AP4M1: variants seen among roughly 807,000 people sequenced by gnomAD.
AP4M1 encodes the protein AP-4 complex subunit mu-1.
Under a neutral mutation model 62.4 loss-of-function variants are expected in AP4M1, and 58 were observed. The ratio of observed to expected loss-of-function variants is 0.93; its 90% CI spans 0.75 to 1.16. The LOEUF (loss-of-function observed/expected upper bound fraction) is 1.16. Ranked by LOEUF, AP4M1 falls within the 50% of genes most tolerant of loss-of-function variation. The pLI is 0.00. For missense variants in AP4M1, 626 were observed against 585.4 expected (o/e 1.07, Z -0.72); for synonymous variants, 290 against 239.7 (o/e 1.21, Z -1.94).
At chr7:100,102,808 G>C in intron 3 of AP4M1, 27 bp downstream of exon 3, 2 of 1,613,272 alleles carry the variant, frequency 1.2e-6, no homozygotes, top group Non-Finnish European at 1.7e-6. Context: ...TGGGCACCTG[G>C]TAGCTAGGAG....
rs771993335 is a variant in AP4M1 at position 100,101,664 on chromosome 7, G to T, written c.-51G>T. Reference sequence around the variant, plus strand: ...CGTTCTTTTGTTCCGGGGCCGCAGGGCGGGGCAGGCCCGACTTTCGCCGTC... The same window carrying T: ...CGTTCTTTTGTTCCGGGGCCGCAGGTCGGGGCAGGCCCGACTTTCGCCGTC... On this transcript the variant is annotated 5_prime_UTR_variant, in exon 1 of 15. Coordinates refer to ENST00000359593, the MANE Select transcript of AP4M1 (RefSeq NM_004722.4). 6.5e-7 allele frequency: 1 copy of T among 1,547,728 alleles called. No individual in the cohort carries two copies. The highest frequency in any genetic ancestry group is 8.9e-7 in the Non-Finnish European group (1 of 1,120,736).
At chr7:100,102,118 C>T (rs1796093858) in intron 2 of AP4M1, 150 bp downstream of exon 2, 2 of 854,708 alleles carry the variant, frequency 2.3e-6, no homozygotes, top group Admixed American at 4.3e-5. Flanking sequence ...CGGTGGCTCA[C>T]GCCTGTAATC....
chr7:100,103,887 C>CAAAAAAAA (rs10671291), intron 6 of AP4M1, among the ~76,000 whole-genome samples, 195 bp downstream of exon 6: 279 of 91,610 alleles, frequency 3.0e-3, no homozygotes, highest in East Asian at 8.0e-3. Context: ...ACTAAAAATG[C>CAAAAAAAA]AAAAAAAAAA....
chr7:100,101,518 C>T (rs1584503059), upstream of AP4M1: 3 of 785,990 alleles, frequency 3.8e-6, no homozygotes, highest in East Asian at 8.0e-5. Flanking sequence ...GAATGAGTGA[C>T]GGGGAGGCGG....
intron 11 of AP4M1, 50 bp downstream of exon 11, chr7:100,105,589 C>G (rs1193475025): frequency 1.3e-6 from 2 of 1,527,536 alleles, no homozygotes; most frequent in African/African-American, 1.4e-5. Context: ...CAAGCCAAGA[C>G]CTGTATGTTC....
rs749724244 is a variant in AP4M1 at position 100,103,495 on chromosome 7, C to G, written c.438C>G (p.Leu146=). 1.9e-6 allele frequency: 3 copies of G among 1,614,088 alleles called. No homozygotes were observed. In the African/African-American group the frequency reaches 4.0e-5, roughly 22 times the overall value. The part of the protein sequence containing the change: ...TEAVVSKPFS[L]FDLSSVGLFG... ...CTGTGGTCAGCAAGCCCTTCAGCCT[C>G]TTTGACCTCAGCAGCGTTGGCTTGG... Residue 146 remains leucine (L), a synonymous_variant, in exon 5 of 15, where the codon CTC becomes CTG. Transcript: ENST00000359593.
Position 100,106,996 on chromosome 7 carries a change from T to G in AP4M1, c.*114T>G. The G allele has an allele frequency of 7.5e-7, 1 of 1,336,262 alleles. No individual in the cohort carries two copies. Among genetic ancestry groups the G allele is most frequent in the Non-Finnish European group, 1.0e-6 (1 of 965,850 alleles). The allele number at this position is 1,336,262 out of a possible 1,614,324, so 82.8% of individuals were successfully genotyped here. A position where few individuals can be genotyped will look rare whatever the true frequency, so the allele number is the denominator to read the frequency against. On this transcript the variant is annotated 3_prime_UTR_variant, in exon 15 of 15. Coordinates refer to ENST00000359593, the MANE Select transcript of AP4M1 (RefSeq NM_004722.4). The stretch of plus-strand genomic sequence containing the variant: ...CTCTGAATCTGGGCAGGAAGAGTCC[T>G]CAGTCCCAAGACCAGGAGGGGGCAA...
Position 100,102,006 on chromosome 7 carries a change from C to A in AP4M1, c.147+38C>A, listed in dbSNP as rs769436643. The A allele has an allele frequency of 3.7e-5, 59 of 1,609,256 alleles. No homozygotes were observed. In the South Asian group the frequency reaches 6.4e-4, roughly 17 times the overall value. On this transcript the variant is annotated intron_variant, in intron 2 of 14. Transcript: ENST00000359593. ...GGGAGGCGGGTGAGGAGCGGGGTCC[C>A]GTCGGGCCGGGTGGGCGCCAGCTCC...
intron 4 of AP4M1, 99 bp from the exon 5 acceptor site, chr7:100,103,310 C>T (rs1216802609): frequency 1.1e-5 from 12 of 1,055,056 alleles, no homozygotes; most frequent in South Asian, 6.5e-5. Flanking sequence ...CCTTCCAAAG[C>T]GCTGAGAGTA....
At position 100,108,210 on chromosome 7, in the gene AP4M1, C is replaced by A; in HGVS notation, c.*1328C>A. ...AGAGGCCTGGGCTCCCCTCGCTCTT[C>A]CTCAGTGGCTCTCACTAGGGCTGGG... is the stretch of plus-strand genomic sequence containing the variant. On this transcript the variant is annotated 3_prime_UTR_variant, in exon 15 of 15. Coordinates refer to ENST00000359593, the MANE Select transcript of AP4M1 (RefSeq NM_004722.4). 1.4e-6 allele frequency: 2 copies of A among 1,474,902 alleles called. No homozygotes were observed. Among genetic ancestry groups the A allele is most frequent in the Non-Finnish European group, 1.8e-6 (2 of 1,106,762 alleles). 91.4% of individuals were successfully genotyped at this position (1,474,902 alleles called of 1,614,324 possible).
At chr7:100,102,541 T>G in intron 2 of AP4M1, 134 bp from the exon 3 acceptor site, 1 of 756,362 alleles carries the variant, frequency 1.3e-6, no homozygotes. Flanking sequence ...GGCCCAGGCA[T>G]ATGTCATGTA....
In AP4M1 at chr7:100,108,496, G is replaced by T. The variant is rs775428705; in HGVS notation, c.*1614G>T. ...ATTCTGCCCGATAGGCGTCCTGATT[G>T]TCAGGCGGTGGGCGCAGCTTTGCCA... On this transcript the variant is annotated 3_prime_UTR_variant, in exon 15 of 15. Coordinates refer to ENST00000359593, the MANE Select transcript of AP4M1 (RefSeq NM_004722.4). 1 of 1,613,706 alleles carries T rather than the reference G, an allele frequency of 6.2e-7. No homozygotes were observed. Among genetic ancestry groups the T allele is most frequent in the Admixed American group, 1.7e-5 (1 of 60,004 alleles).
At chr7:100,105,176 C>T (rs937805871) in intron 9 of AP4M1, 64 bp from the exon 10 acceptor site, 54 of 1,610,684 alleles carry the variant, frequency 3.4e-5, no homozygotes, top group Non-Finnish European at 3.9e-5. Flanking sequence ...ACAGAGCCTC[C>T]CCTCTCCTTG....
In AP4M1 at chr7:100,106,902, C is replaced by A. The variant is rs777159687; in HGVS notation, c.*20C>A. The A allele has an allele frequency of 2.1e-5, 33 of 1,606,680 alleles. No homozygotes were observed. In the East Asian group the frequency reaches 6.9e-4, roughly 34 times the overall value. On this transcript the variant is annotated 3_prime_UTR_variant, in exon 15 of 15. Transcript: ENST00000359593. ...ATCTGAGGCTCCCCAAACGAGGACA[C>A]GACGGCCAAGGTGGCAGTTTGTCCC...
chr7:100,108,894 C>T lies in AP4M1; in HGVS notation c.*2012C>T, dbSNP rs868626826. On this transcript the variant is annotated 3_prime_UTR_variant, in exon 15 of 15. Transcript: ENST00000359593. ...CAAAAACTAGCCAGGCATGGTGGCA[C>T]GCACCTGTAGTCCCAGCTACTGGGG... 7 of 184,816 alleles carry T rather than the reference C, an allele frequency of 3.8e-5. 1 individual carries two copies. Among genetic ancestry groups the T allele is most frequent in the South Asian group, 3.6e-4 (3 of 8,416 alleles). The allele number at this position is 184,816 out of a possible 1,614,324, so 11.4% of individuals were successfully genotyped here.
At chr7:100,103,042 G>T in intron 4 of AP4M1, 82 bp downstream of exon 4, 1 of 1,076,630 alleles carries the variant, frequency 9.3e-7, no homozygotes, top group African/African-American at 1.6e-5. Context: ...GGATGCCGTG[G>T]TTAGGAGGCC....
In AP4M1 at chr7:100,108,201, C is replaced by T; in HGVS notation, c.*1319C>T. 6.8e-7 allele frequency: 1 copy of T among 1,478,400 alleles called. No homozygotes were observed. Among genetic ancestry groups the T allele is most frequent in the East Asian group, 2.4e-5 (1 of 41,318 alleles). 91.6% of individuals were successfully genotyped at this position (1,478,400 alleles called of 1,614,324 possible). On this transcript the variant is annotated 3_prime_UTR_variant, in exon 15 of 15. Coordinates refer to ENST00000359593, the MANE Select transcript of AP4M1 (RefSeq NM_004722.4). ...TCTGAAGGGAGAGGCCTGGGCTCCC[C>T]TCGCTCTTCCTCAGTGGCTCTCACT...
In AP4M1 at chr7:100,106,698, T is replaced by A; in HGVS notation, c.1178T>A (p.Leu393His). 1 of 1,613,524 alleles carries A rather than the reference T, an allele frequency of 6.2e-7. No individual in the cohort carries two copies. Among genetic ancestry groups the A allele is most frequent in the Non-Finnish European group, 8.5e-7 (1 of 1,180,012 alleles). ...CCCCCAGGACCTCCCAGCCATGGGC[T>A]CTCCACCTCGGCCTCTCCTCTGGGG... ...PGPPGPPSHGLSTSASPLGLG... is the reference protein window; with the variant it reads ...PGPPGPPSHGHSTSASPLGLG... Residue 393 changes from leucine to histidine, a missense_variant, in exon 15 of 15, where the codon CTC becomes CAC. By Grantham distance (99) the Leu-to-His change is moderately conservative. Coordinates refer to ENST00000359593, the MANE Select transcript of AP4M1 (RefSeq NM_004722.4).
Position 100,104,895 on chromosome 7 carries a change from G to A in AP4M1, c.628G>A (p.Val210Met), listed in dbSNP as rs778667078. 2.5e-6 allele frequency: 4 copies of A among 1,614,200 alleles called. No individual in the cohort carries two copies. Among genetic ancestry groups the A allele is most frequent in the Admixed American group, 1.7e-5 (1 of 60,024 alleles). The change falls in exon 8 of 15, where the codon GTG (valine) becomes ATG (methionine). Residue 210 changes from valine (V) to methionine (M), a missense_variant. By Grantham distance (21) the Val-to-Met change is conservative. Transcript: ENST00000359593. ...TCAGGGATCCCTGCTGAAGGTGGAT[G>A]TGCAGGGAGAGATTCGGCTCAAGAG... Reference protein sequence around the residue: ...ASNGSLLKVDVQGEIRLKSFL... With the variant: ...ASNGSLLKVDMQGEIRLKSFL...
Sources: gnomAD v4.1 joint callset for allele counts (sites outside exome capture counted in the v4.1 genomes callset) on GRCh38, gnomAD v4.1.1 for gene constraint, MANE v1.5 for transcripts, NCBI Gene and HGNC (gene_info 2026-07-23, HGNC 2026-07-21) for gene names.